The following PIGH variants were observed in gnomAD, a reference collection of about 807,000 sequenced individuals.
PIGH encodes phosphatidylinositol N-acetylglucosaminyltransferase subunit H.
PIGH carries 11 observed loss-of-function variants against 20.1 expected under a neutral mutation model. The ratio of observed to expected loss-of-function variants is 0.55; its 90% CI spans 0.34 to 0.91. The LOEUF (loss-of-function observed/expected upper bound fraction) is 0.91, where lower values mean the gene tolerates loss of function less well. PIGH is among the 40% of genes least tolerant of loss of function. The pLI is 0.02. For synonymous variants in PIGH, 72 were observed against 93.1 expected (o/e 0.77, Z 1.31); for missense variants, 189 against 233.6 (o/e 0.81, Z 1.24).
intron 1 of PIGH, among the ~76,000 whole-genome samples, chr14:67,596,235 T>C (rs938613199): frequency 6.6e-6 from 1 of 150,824 alleles, no homozygotes; most frequent in Non-Finnish European, 1.5e-5. Context: ...TTCAAGTGAT[T>C]CTCCTGCCTC....
rs2036553551 is a variant in PIGH at position 67,600,195 on chromosome 14, A to T, written c.9T>A (p.Asp3Glu). Residue 3 changes from aspartate to glutamate, a missense_variant, in exon 1 of 4, where the codon GAT (aspartate) becomes GAA (glutamate). Asp to Glu is a conservative substitution (Grantham distance 45, BLOSUM62 2). Transcript: ENST00000216452. ...CGCAGATATCCGAAAAGCTCCGCTC[A>T]TCCTCCATGACGCCCCCACTCGGCC... Reference protein sequence around the residue: MEDERSFSDICGG... With the variant: MEEERSFSDICGG... 1.3e-6 allele frequency: 2 copies of T among 1,577,490 alleles called. No homozygotes were observed. Among genetic ancestry groups the T allele is most frequent in the Admixed American group, 1.8e-5 (1 of 55,976 alleles).
rs2036303566 is a variant in PIGH, at chr14:67,589,552, A to C, written c.*528T>G. On this transcript the variant is annotated 3_prime_UTR_variant, in exon 4 of 4. Transcript: ENST00000216452. ...GAACCAGGTAACTGTGTGTTTTGGA[A>C]GATCTGTTTATTAACAGTAAATAAA... is the stretch of plus-strand genomic sequence containing the variant. 4.1e-6 allele frequency: 4 copies of C among 985,446 alleles called. No homozygotes were observed. Among genetic ancestry groups the C allele is most frequent in the Non-Finnish European group, 2.4e-6 (2 of 829,930 alleles). The allele number at this position is 985,446 out of a possible 1,614,324, so 61.0% of individuals were successfully genotyped here.
chr14:67,597,541 T>A (rs2033734449), intron 1 of PIGH, among the ~76,000 whole-genome samples: 1 of 152,096 alleles, frequency 6.6e-6, no homozygotes, highest in Admixed American at 6.6e-5. Context: ...GCTAGATAAT[T>A]ATTTGTTGAT....
chr14:67,592,037 T>C (rs1284377307), intron 3 of PIGH: 2 of 156,442 alleles, frequency 1.3e-5, no homozygotes, highest in Non-Finnish European at 2.8e-5. Flanking sequence ...GTAAGATCAA[T>C]TACCTCTATC....
At chr14:67,598,539 AGCATCTG>A (rs1371405739) in intron 1 of PIGH, among the ~76,000 whole-genome samples, 1 of 152,096 alleles carries the variant, frequency 6.6e-6, no homozygotes, top group African/African-American at 2.4e-5. Flanking sequence ...AATTCAGTAA[AGCATCTG>A]GCAGTCAGTG....
chr14:67,595,486 A>G (rs908733743), intron 1 of PIGH, among the ~76,000 whole-genome samples: 10 of 152,246 alleles, frequency 6.6e-5, no homozygotes, highest in Non-Finnish European at 1.3e-4. Context: ...CTTGCCTAAT[A>G]AACAGCCACC....
At position 67,593,956 on chromosome 14, in the gene PIGH, AAG is replaced by A; in HGVS notation, c.181-6_181-5del. On this transcript the variant is annotated splice_polypyrimidine_tract_variant and splice_region_variant and intron_variant, in intron 1 of 3. Transcript: ENST00000216452. ...CAGCAGAGAGGATCATGCTGTTCTG[AAG>A]AGAGAGCCAGACACAGACAGTAAGA... 6.2e-7 allele frequency: 1 copy of A among 1,601,196 alleles called. No homozygotes were observed. The highest frequency in any genetic ancestry group is 2.2e-5 in the East Asian group (1 of 44,710).
chr14:67,590,697 T>A (rs557437916), intron 3 of PIGH, among the ~76,000 whole-genome samples: 1 of 152,280 alleles, frequency 6.6e-6, no homozygotes, highest in South Asian at 2.1e-4. Flanking sequence ...TCAAGGGGTA[T>A]AAATGACACA....
chr14:67,593,759 T>G lies in PIGH; in HGVS notation c.374A>C (p.Asn125Thr). Residue 125 changes from asparagine (N) to threonine (T), a missense_variant, in exon 2 of 4, where the codon AAT becomes ACT. By Grantham distance (65) the Asn-to-Thr change is moderately conservative. Coordinates refer to ENST00000216452, the MANE Select transcript of PIGH (RefSeq NM_004569.5). Reference sequence around the variant, plus strand: ...AATACTTACCATGTAAATGGCCTCATTGATGACAATATCCTTGACCTTGCC... The same window carrying G: ...AATACTTACCATGTAAATGGCCTCAGTGATGACAATATCCTTGACCTTGCC... Reference protein sequence around the residue: ...EMGKVKDIVINEAIYMQKVIY... With the variant: ...EMGKVKDIVITEAIYMQKVIY... 6.2e-7 allele frequency: 1 copy of G among 1,609,848 alleles called. No homozygotes were observed.
At chr14:67,599,997 C>A (rs185119432) in intron 1 of PIGH, 27 bp downstream of exon 1, 2 of 1,531,996 alleles carry the variant, frequency 1.3e-6, no homozygotes, top group African/African-American at 1.4e-5. Flanking sequence ...CTCCTTCGAG[C>A]GCGGGGAGGG....
intron 1 of PIGH, among the ~76,000 whole-genome samples, chr14:67,596,132 A>G (rs1366198827): frequency 6.6e-6 from 1 of 151,542 alleles, no homozygotes; most frequent in African/African-American, 2.4e-5. Flanking sequence ...AGAAGCTTGC[A>G]TTCATTCATT....
chr14:67,600,205 ACGCCCCCACTCGGC>A lies in PIGH; in HGVS notation c.-16_-3del, dbSNP rs779055891. 7 of 1,570,374 alleles carry A rather than the reference ACGCCCCCACTCGGC, an allele frequency of 4.5e-6. No individual in the cohort carries two copies. Among genetic ancestry groups the A allele is most frequent in the Non-Finnish European group, 6.0e-6 (7 of 1,159,312 alleles). Reference sequence around the variant, plus strand: ...CGAAAAGCTCCGCTCATCCTCCATGACGCCCCCACTCGGCCGCCCGCACCGCGCGGCGCTGCACT... The same window carrying A: ...CGAAAAGCTCCGCTCATCCTCCATGACGCCCGCACCGCGCGGCGCTGCACT... On this transcript the variant is annotated 5_prime_UTR_variant, in exon 1 of 4. Coordinates refer to ENST00000216452, the MANE Select transcript of PIGH (RefSeq NM_004569.5).
chr14:67,598,037 A>G (rs2036506158), intron 1 of PIGH, among the ~76,000 whole-genome samples: 2 of 152,242 alleles, frequency 1.3e-5, no homozygotes, highest in Admixed American at 1.3e-4. Context: ...GTGCCCTACT[A>G]TCTGCATTTT....
At chr14:67,598,175 A>C (rs1594811131) in intron 1 of PIGH, among the ~76,000 whole-genome samples, 1 of 152,166 alleles carries the variant, frequency 6.6e-6, no homozygotes, top group South Asian at 2.1e-4. Context: ...TTACTCTCAT[A>C]AACAGTTTTG....
At chr14:67,597,761 A>T (rs937593237) in intron 1 of PIGH, among the ~76,000 whole-genome samples, 4 of 57,190 alleles carry the variant, frequency 7.0e-5, no homozygotes, top group Non-Finnish European at 1.8e-4. Context: ...AGAAAAGTTT[A>T]AAAAAAAAAA....
chr14:67,596,174 G>T (rs956445596), intron 1 of PIGH, among the ~76,000 whole-genome samples: 9 of 151,908 alleles, frequency 5.9e-5, no homozygotes, highest in Non-Finnish European at 1.3e-4. Context: ...CGTTTCCCTG[G>T]CTGGAGTGCA....
intron 3 of PIGH, chr14:67,592,161 A>G (rs1163785047): frequency 1.0e-5 from 2 of 195,970 alleles, no homozygotes; most frequent in African/African-American, 4.8e-5. Flanking sequence ...GAGGCCAGGT[A>G]TGCTGGCTCA....
chr14:67,599,807 G>A (rs2036541963), intron 1 of PIGH, among the ~76,000 whole-genome samples: 3 of 152,186 alleles, frequency 2.0e-5, no homozygotes, highest in Admixed American at 6.5e-5. Context: ...GCCACGGAAG[G>A]GGAATGTACT....
In PIGH at chr14:67,589,853, C is replaced by G; in HGVS notation, c.*227G>C. ...ACTGTGTCAAAATTCTTAAGGTCTC[C>G]CCTCCTTTGGTAAAGTAGGCAAAAC... On this transcript the variant is annotated 3_prime_UTR_variant, in exon 4 of 4. Transcript: ENST00000216452. 8.3e-7 allele frequency: 1 copy of G among 1,209,620 alleles called. No individual in the cohort carries two copies. Among genetic ancestry groups the G allele is most frequent in the African/African-American group, 1.6e-5 (1 of 64,076 alleles). 74.9% of individuals were successfully genotyped at this position (1,209,620 alleles called of 1,614,324 possible). A position where few individuals can be genotyped will look rare whatever the true frequency, so the allele number is the denominator to read the frequency against.
Sources: gnomAD v4.1 joint callset for allele counts (sites outside exome capture counted in the v4.1 genomes callset) on GRCh38, gnomAD v4.1.1 for gene constraint, MANE v1.5 for transcripts, NCBI Gene and HGNC (gene_info 2026-07-23, HGNC 2026-07-21) for gene names.